ZFHX3: variants seen among roughly 807,000 people sequenced by gnomAD.
ZFHX3 encodes zinc finger homeobox protein 3.
A neutral mutation model predicts 279.1 loss-of-function variants in ZFHX3; 42 were observed. That is an observed-to-expected ratio of 0.15 (90% CI 0.12 to 0.19). The LOEUF (loss-of-function observed/expected upper bound fraction) is 0.19. ZFHX3 is among the 10% of genes least tolerant of loss of function. The probability of loss-of-function intolerance (pLI) is 1.00; values close to 1 mark genes in which losing one functional copy is unlikely to be tolerated. For missense variants in ZFHX3, 4,981 were observed against 4,754.0 expected (o/e 1.05, Z -1.40); for synonymous variants, 2,293 against 1,957.8 (o/e 1.17, Z -4.52).
At chr16:73,525,745 C>T (rs1368599161) in intron 2 of ZFHX3, among the ~76,000 whole-genome samples, 1 of 152,208 alleles carries the variant, frequency 6.6e-6, no homozygotes, top group Non-Finnish European at 1.5e-5. Context: ...AGGAAGGGTT[C>T]AGGCTTAATC....
intron 5 of ZFHX3, among the ~76,000 whole-genome samples, chr16:73,199,257 G>C (rs1223348798): frequency 6.6e-6 from 1 of 152,204 alleles, no homozygotes; most frequent in Non-Finnish European, 1.5e-5. Flanking sequence ...GGTACACTTA[G>C]GTATCCAGAG....
chr16:73,347,448 T>G (rs1292726544), intron 3 of ZFHX3, among the ~76,000 whole-genome samples: 1 of 152,250 alleles, frequency 6.6e-6, no homozygotes, highest in East Asian at 1.9e-4. Context: ...CATCAGGGAC[T>G]CAGCCTGTTC....
At chr16:73,178,010 C>A (rs896483012) in intron 5 of ZFHX3, among the ~76,000 whole-genome samples, 3 of 152,172 alleles carry the variant, frequency 2.0e-5, no homozygotes, top group Admixed American at 6.5e-5. Context: ...ATCAGGGAAT[C>A]CTTCTAGCTT....
intron 4 of ZFHX3, among the ~76,000 whole-genome samples, chr16:72,884,617 T>C (rs1263468348): frequency 2.6e-5 from 4 of 151,836 alleles, no homozygotes; most frequent in Admixed American, 1.3e-4. Flanking sequence ...ACAAGGCGAG[T>C]AAGAGAGAAA....
intron 2 of ZFHX3, among the ~76,000 whole-genome samples, chr16:73,632,559 A>T (rs1446843631): frequency 6.6e-6 from 1 of 151,776 alleles, no homozygotes; most frequent in Non-Finnish European, 1.5e-5. Flanking sequence ...GGTGGCGCGC[A>T]CCTGTAGTCC....
chr16:73,153,009 T>C (rs776776489), intron 5 of ZFHX3, among the ~76,000 whole-genome samples: 6 of 152,128 alleles, frequency 3.9e-5, no homozygotes, highest in Non-Finnish European at 8.8e-5. Flanking sequence ...TGGATGGTTT[T>C]GCTATCAGGC....
At chr16:73,573,111 G>T (rs2051758992) in intron 2 of ZFHX3, among the ~76,000 whole-genome samples, 1 of 152,176 alleles carries the variant, frequency 6.6e-6, no homozygotes, top group African/African-American at 2.4e-5. Context: ...TAATAAGAGA[G>T]TTATAGTGAA....
At chr16:73,545,795 A>T (rs924513913) in intron 2 of ZFHX3, among the ~76,000 whole-genome samples, 23 of 84,854 alleles carry the variant, frequency 2.7e-4, no homozygotes, top group African/African-American at 1.1e-3. Flanking sequence ...GCTGAAATTA[A>T]AAAAAAAAAA....
At chr16:73,647,515 C>T (rs895959078) in intron 2 of ZFHX3, among the ~76,000 whole-genome samples, 2 of 152,260 alleles carry the variant, frequency 1.3e-5, no homozygotes, top group Admixed American at 6.5e-5. Context: ...TTTCACCTTC[C>T]GCCATGATTG....
At chr16:73,252,414 A>G (rs1391802019) in intron 5 of ZFHX3, among the ~76,000 whole-genome samples, 2 of 152,184 alleles carry the variant, frequency 1.3e-5, no homozygotes, top group African/African-American at 4.8e-5. Context: ...AGCAGTGGGT[A>G]TGGAAGTCAA....
chr16:73,353,769 G>A (rs2016288913), intron 3 of ZFHX3, among the ~76,000 whole-genome samples: 1 of 152,090 alleles, frequency 6.6e-6, no homozygotes, highest in African/African-American at 2.4e-5. Context: ...GAGGAGAAAG[G>A]AAGAAAGACA....
chr16:73,865,504 C>T (rs1197024844), intron 1 of ZFHX3, among the ~76,000 whole-genome samples: 1 of 152,204 alleles, frequency 6.6e-6, no homozygotes, highest in East Asian at 1.9e-4. Flanking sequence ...CCCCTAACCT[C>T]CCAACTCTCT....
chr16:73,312,660 T>G (rs1286575839), intron 4 of ZFHX3, among the ~76,000 whole-genome samples: 2 of 152,172 alleles, frequency 1.3e-5, no homozygotes, highest in Non-Finnish European at 1.5e-5. Flanking sequence ...CTTCACACGC[T>G]CTGTCCAACT....
At chr16:72,854,126 A>C (rs2143853211) in intron 4 of ZFHX3, among the ~76,000 whole-genome samples, 1 of 152,352 alleles carries the variant, frequency 6.6e-6, no homozygotes, top group Admixed American at 6.5e-5. Context: ...CGAAGCAATT[A>C]AGAATTTCAT....
chr16:73,252,954 A>C (rs1372702426), intron 5 of ZFHX3, among the ~76,000 whole-genome samples: 1 of 152,188 alleles, frequency 6.6e-6, no homozygotes, highest in Non-Finnish European at 1.5e-5. Flanking sequence ...CCAGCAGAGA[A>C]AGCAGAGCAG....
intron 1 of ZFHX3, among the ~76,000 whole-genome samples, chr16:73,020,257 T>G (rs536893049): frequency 1.3e-5 from 2 of 152,322 alleles, no homozygotes; most frequent in Non-Finnish European, 2.9e-5. Flanking sequence ...AAACTTTACA[T>G]TGGCAGAACA....
At chr16:72,884,267 C>T (rs934575316) in intron 4 of ZFHX3, among the ~76,000 whole-genome samples, 48 of 152,290 alleles carry the variant, frequency 3.2e-4, no homozygotes, top group African/African-American at 1.2e-3. Flanking sequence ...AAGCTGTGTG[C>T]ACCTCTCTGG....
chr16:73,350,241 A>C (rs1028124155), intron 3 of ZFHX3, among the ~76,000 whole-genome samples: 4 of 152,160 alleles, frequency 2.6e-5, no homozygotes, highest in Admixed American at 2.0e-4. Context: ...GAACAAGAAT[A>C]TCTCCTCTTT....
chr16:72,936,442 A>G (rs184966515), intron 3 of ZFHX3, among the ~76,000 whole-genome samples: 45 of 152,370 alleles, frequency 3.0e-4, no homozygotes, highest in Middle Eastern at 3.4e-3. Flanking sequence ...ATCACTGTCA[A>G]TGCAGAGAAG....
Sources: gnomAD v4.1 joint callset for allele counts (sites outside exome capture counted in the v4.1 genomes callset) on GRCh38, gnomAD v4.1.1 for gene constraint, MANE v1.5 for transcripts, NCBI Gene and HGNC (gene_info 2026-07-23, HGNC 2026-07-21) for gene names.